KDM6A: variants seen among roughly 807,000 people sequenced by gnomAD.
KDM6A encodes the protein lysine-specific demethylase 6A.
A neutral mutation model predicts 117.6 loss-of-function variants in KDM6A; 11 were observed. That is an observed-to-expected ratio of 0.09 (90% CI 0.06 to 0.15). The LOEUF (loss-of-function observed/expected upper bound fraction) is 0.15. Among genes scored for constraint, KDM6A ranks in the 10% least tolerant of loss-of-function variants. The pLI, the probability that KDM6A is intolerant of heterozygous loss-of-function variation, is 1.00. For missense variants in KDM6A, 799 were observed against 1,077.3 expected, an observed-to-expected ratio of 0.74 and a Z score of 3.62; for synonymous variants, 384 against 396.1, an observed-to-expected ratio of 0.97 and a Z score of 0.36.
In KDM6A at chrX:45,075,148, GAT is replaced by G. The variant is rs1202311136; in HGVS notation, c.2859-1547_2859-1546del. On this transcript the variant is annotated intron_variant, in intron 18 of 29. Transcript: ENST00000611820. ...TCTGAGTCATATTTTGCTTATATTC[GAT>G]AGAGTGGCAGATACACAATTCAGCA... Among the ~76,000 whole-genome samples the G allele has an allele frequency of 3.6e-5, 4 of 111,522 alleles. 1 individual carries two copies. The highest frequency in any genetic ancestry group is 7.6e-5 in the Non-Finnish European group (4 of 52,931).
At chrX:44,966,963 G>A (rs1482449919) in intron 3 of KDM6A, among the ~76,000 whole-genome samples, 3 of 103,687 alleles carry the variant, frequency 2.9e-5, no homozygotes, top group East Asian at 3.0e-4. Flanking sequence ...TCCGCCTCCC[G>A]GGTTCACGCC....
At chrX:45,016,312 T>C (rs1263084439) in intron 5 of KDM6A, among the ~76,000 whole-genome samples, 1 of 111,784 alleles carries the variant, frequency 8.9e-6, no homozygotes, top group East Asian at 2.8e-4. Flanking sequence ...GTATGTGTTA[T>C]AACTAAATTA....
chrX:44,995,081 G>A (rs2040801173), intron 4 of KDM6A, among the ~76,000 whole-genome samples: 1 of 111,675 alleles, frequency 9.0e-6, no homozygotes, highest in African/African-American at 3.3e-5. Flanking sequence ...TGGGACTGCT[G>A]GATCAAATGG....
intron 8 of KDM6A, among the ~76,000 whole-genome samples, chrX:45,038,070 A>T (rs2042893368): frequency 1.8e-5 from 2 of 111,020 alleles, no homozygotes; most frequent in African/African-American, 6.6e-5. Context: ...AAAAATACAA[A>T]AAATTAGCTG....
Position 45,062,757 on chromosome X carries a change from A to G in KDM6A, c.1683+9A>G, listed in dbSNP as rs376699341. The G allele has an allele frequency of 6.4e-6, 7 of 1,092,730 alleles. No homozygotes were observed. The African/African-American group carries it at 1.3e-4, about 20-fold the overall frequency. The allele number at this position is 1,092,730 out of a possible 1,213,427, so 90.1% of individuals were successfully genotyped here. A position where few individuals can be genotyped will look rare whatever the true frequency, so the allele number is the denominator to read the frequency against. On this transcript the variant is annotated intron_variant, in intron 16 of 29. Transcript: ENST00000611820. ...TAATGCAACAACACCAAGTGTGTAT[A>G]GCATATTTTTCCCTGAAATTTGTTA...
At chrX:45,102,433 A>G (rs1483682513) in intron 27 of KDM6A, among the ~76,000 whole-genome samples, 2 of 112,259 alleles carry the variant, frequency 1.8e-5, no homozygotes, top group Admixed American at 9.4e-5. Context: ...AAGCGAACTC[A>G]TAAGTATTAA....
chrX:45,043,417 C>T (rs2043378342), intron 8 of KDM6A, among the ~76,000 whole-genome samples: 1 of 111,762 alleles, frequency 8.9e-6, no homozygotes, highest in Non-Finnish European at 1.9e-5. Context: ...CATCCCCTAA[C>T]CCTGTATTTT....
intron 2 of KDM6A, among the ~76,000 whole-genome samples, chrX:44,927,165 T>A (rs371885732): frequency 9.9e-4 from 110 of 111,180 alleles, no homozygotes; most frequent in Admixed American, 1.5e-3. Flanking sequence ...GTCTTTTCTT[T>A]AAATGTTAGC....
intron 4 of KDM6A, among the ~76,000 whole-genome samples, chrX:44,984,727 T>C (rs928258424): frequency 8.3e-4 from 93 of 111,677 alleles, no homozygotes; most frequent in African/African-American, 2.8e-3. Context: ...GTTGTAGATA[T>C]GCAGCATTAT....
At chrX:45,105,597 A>G (rs778043849) in intron 27 of KDM6A, among the ~76,000 whole-genome samples, 3 of 112,062 alleles carry the variant, frequency 2.7e-5, no homozygotes, top group Non-Finnish European at 5.6e-5. Flanking sequence ...AGCAGGTGCT[A>G]TTCAAGAGCT....
intron 2 of KDM6A, among the ~76,000 whole-genome samples, chrX:44,933,967 T>C (rs1263070807): frequency 8.9e-6 from 1 of 112,716 alleles, no homozygotes; most frequent in African/African-American, 3.2e-5. Flanking sequence ...TTTAGTTAAA[T>C]AAACAATGTT....
chrX:45,001,253 CTT>C (rs1246012182), intron 4 of KDM6A, among the ~76,000 whole-genome samples: 2 of 111,628 alleles, frequency 1.8e-5, no homozygotes, highest in Non-Finnish European at 3.8e-5. Context: ...AGGGGAAGAA[CTT>C]TGAGCGTTTG....
intron 5 of KDM6A, among the ~76,000 whole-genome samples, chrX:45,015,030 AAGAC>A (rs1322437602): frequency 2.7e-5 from 3 of 112,128 alleles, no homozygotes; most frequent in Non-Finnish European, 3.8e-5. Flanking sequence ...TGAATTCAGA[AAGAC>A]AGAAATATTA....
chrX:44,992,797 C>T (rs1272407556), intron 4 of KDM6A, among the ~76,000 whole-genome samples: 2 of 110,624 alleles, frequency 1.8e-5, no homozygotes, highest in African/African-American at 6.6e-5. Context: ...CCACCCACCT[C>T]GGCCTTCCAA....
chrX:44,955,146 CTTCT>C (rs891383569), intron 2 of KDM6A, among the ~76,000 whole-genome samples: 2 of 111,700 alleles, frequency 1.8e-5, no homozygotes, highest in African/African-American at 3.3e-5. Context: ...TTTCTTCTTC[CTTCT>C]TTGTCTTTCT....
chrX:45,103,997 ATTC>A (rs2046431390), intron 27 of KDM6A, among the ~76,000 whole-genome samples: 1 of 106,136 alleles, frequency 9.4e-6, no homozygotes, highest in South Asian at 4.1e-4. Flanking sequence ...CAAATGATTT[ATTC>A]TTCTGTTTTT....
intron 2 of KDM6A, among the ~76,000 whole-genome samples, chrX:44,943,047 C>T (rs60100068): frequency 0.012 from 1,355 of 110,841 alleles, 26 homozygotes; most frequent in African/African-American, 0.042. Flanking sequence ...ATTTTATATC[C>T]GTATATGTTG....
intron 4 of KDM6A, among the ~76,000 whole-genome samples, chrX:45,004,079 G>A (rs189995857): frequency 2.7e-5 from 3 of 110,923 alleles, no homozygotes; most frequent in African/African-American, 9.9e-5. Flanking sequence ...AGTCATGAGC[G>A]GAAGGGCTTC....
chrX:45,072,653 A>G (rs1178142269), intron 18 of KDM6A, among the ~76,000 whole-genome samples: 1 of 108,738 alleles, frequency 9.2e-6, no homozygotes, highest in Non-Finnish European at 1.9e-5. Flanking sequence ...TTTCTCTCTC[A>G]TCCACTCTCT....
Sources: allele counts gnomAD v4.1 joint callset (sites outside exome capture counted in the v4.1 genomes callset), GRCh38; gene constraint gnomAD v4.1.1; transcripts MANE v1.5; gene names NCBI Gene and HGNC (gene_info 2026-07-23, HGNC 2026-07-21).